Variants in ABHD12 observed in about 807,000 individuals in gnomAD.
The protein encoded by ABHD12 is abhydrolase domain containing 12, lysophospholipase.
ABHD12 carries 43 observed loss-of-function variants against 58.3 expected under a neutral mutation model. The observed-to-expected ratio is 0.74, with a 90% CI of 0.58 to 0.95. The LOEUF is 0.95. ABHD12 is among the 40% of genes least tolerant of loss of function. The probability of loss-of-function intolerance (pLI) is 0.00; values close to 1 mark genes in which losing one functional copy is unlikely to be tolerated. For synonymous variants in ABHD12, 219 were observed against 211.2 expected, an observed-to-expected ratio of 1.04 and a Z score of -0.32; for missense variants, 539 against 537.2, an observed-to-expected ratio of 1.00 and a Z score of -0.03.
intron 1 of ABHD12, among the ~76,000 whole-genome samples, chr20:25,340,044 C>T (rs182057368): frequency 1.2e-4 from 19 of 152,274 alleles, no homozygotes; most frequent in African/African-American, 4.1e-4. Context: ...ATCTCTAACC[C>T]GGTGATTCTC....
intron 1 of ABHD12, among the ~76,000 whole-genome samples, chr20:25,340,217 T>TA (rs1435173184): frequency 6.6e-6 from 1 of 152,234 alleles, no homozygotes; most frequent in African/African-American, 2.4e-5. Context: ...AAATGTCTAT[T>TA]AATTCATCTA....
chr20:25,295,511 G>A, downstream of ABHD12: 1 of 1,410,844 alleles, frequency 7.1e-7, no homozygotes, highest in Non-Finnish European at 1.0e-6. Flanking sequence ...CCAGGTGGAT[G>A]GTGCCTGGCC....
intron 6 of ABHD12, among the ~76,000 whole-genome samples, chr20:25,313,706 C>T (rs929604197): frequency 3.3e-5 from 5 of 152,066 alleles, no homozygotes; most frequent in Admixed American, 6.6e-5. Flanking sequence ...CACTTGAACC[C>T]GGGAGGCAGA....
At chr20:25,346,970 A>T (rs2089527953) in intron 1 of ABHD12, among the ~76,000 whole-genome samples, 1 of 152,156 alleles carries the variant, frequency 6.6e-6, no homozygotes, top group South Asian at 2.1e-4. Context: ...TAAAAAGTCA[A>T]CAACAATAAA....
At chr20:25,343,197 T>C (rs114937467) in intron 1 of ABHD12, among the ~76,000 whole-genome samples, 1,909 of 152,276 alleles carry the variant, frequency 0.013, 44 homozygotes, top group African/African-American at 0.041. Flanking sequence ...TTCTATTAAA[T>C]ACATTCAATC....
At chr20:25,390,382 G>A (rs937232415) in intron 1 of ABHD12, 131 bp downstream of exon 1, 12 of 932,578 alleles carry the variant, frequency 1.3e-5, no homozygotes, top group Non-Finnish European at 1.7e-5. Flanking sequence ...AGGCGCGGAC[G>A]GGGGCGGCCG....
chr20:25,367,131 A>G (rs1167155982), intron 1 of ABHD12, among the ~76,000 whole-genome samples: 1 of 152,192 alleles, frequency 6.6e-6, no homozygotes, highest in East Asian at 1.9e-4. Flanking sequence ...CTCTTCCTTT[A>G]TATCTTACAA....
In ABHD12 at chr20:25,370,617, T is replaced by G. The variant is rs191396847; in HGVS notation, c.191+19896A>C. 2.6e-3 allele frequency among the ~76,000 whole-genome samples: 397 copies of G among 152,200 alleles called. 3 individuals carry two copies. Among genetic ancestry groups the G allele is most frequent in the African/African-American group, 9.1e-3 (380 of 41,532 alleles). On this transcript the variant is annotated intron_variant, in intron 1 of 12. Coordinates refer to ENST00000339157, the MANE Select transcript of ABHD12 (RefSeq NM_001042472.3). Reference sequence around the variant, plus strand: ...GCAGGAGAGCACAGCGATTAGAGCATGAGTAGTGGAGATGGCAGGTCTGCC... The same window carrying G: ...GCAGGAGAGCACAGCGATTAGAGCAGGAGTAGTGGAGATGGCAGGTCTGCC...
chr20:25,316,679 C>G (rs1230724324), intron 5 of ABHD12, among the ~76,000 whole-genome samples: 1 of 152,200 alleles, frequency 6.6e-6, no homozygotes, highest in Non-Finnish European at 1.5e-5. Flanking sequence ...CTCAACACGC[C>G]TGTCATCCCA....
At chr20:25,321,437 G>A (rs528987841) in intron 3 of ABHD12, among the ~76,000 whole-genome samples, 89 of 152,368 alleles carry the variant, frequency 5.8e-4, no homozygotes, top group African/African-American at 1.9e-3. Flanking sequence ...CTGATGAAGC[G>A]ATGGTGGGGG....
intron 1 of ABHD12, among the ~76,000 whole-genome samples, chr20:25,360,276 T>C (rs903986991): frequency 7.7e-6 from 1 of 130,496 alleles, no homozygotes; most frequent in African/African-American, 2.9e-5. Flanking sequence ...AGTCTCACTC[T>C]GTCACCCAGC....
At chr20:25,357,130 C>A (rs1041876177) in intron 1 of ABHD12, among the ~76,000 whole-genome samples, 1 of 152,164 alleles carries the variant, frequency 6.6e-6, no homozygotes, top group African/African-American at 2.4e-5. Flanking sequence ...AAAACTGGTC[C>A]AGGACCCTGT....
intron 11 of ABHD12, 89 bp from the exon 12 acceptor site, chr20:25,302,435 T>C (rs1330819095): frequency 2.3e-5 from 35 of 1,542,822 alleles, no homozygotes; most frequent in Middle Eastern, 2.3e-4. Context: ...TCCCCTTCAA[T>C]AGAAACCAGT....
chr20:25,323,542 C>T (rs1357226560), intron 2 of ABHD12, 112 bp from the exon 3 acceptor site: 1 of 736,978 alleles, frequency 1.4e-6, no homozygotes, highest in African/African-American at 1.7e-5. Flanking sequence ...CACGTGCACA[C>T]ACACACATGC....
chr20:25,303,674 A>T (rs754740642), intron 10 of ABHD12, 46 bp from the exon 11 acceptor site: 4 of 1,610,488 alleles, frequency 2.5e-6, no homozygotes, highest in African/African-American at 1.3e-5. Flanking sequence ...GAAAGGGCAG[A>T]GTTGCCCAGA....
chr20:25,349,857 T>C (rs1425773407), intron 1 of ABHD12, among the ~76,000 whole-genome samples: 2 of 152,216 alleles, frequency 1.3e-5, no homozygotes, highest in African/African-American at 4.8e-5. Flanking sequence ...AAGTATTTAA[T>C]GCCACTAAAT....
chr20:25,296,480 C>G, downstream of ABHD12: 5 of 1,613,858 alleles, frequency 3.1e-6, no homozygotes, highest in Non-Finnish European at 4.2e-6. Context: ...GTGTGGAGCC[C>G]TCCGACCTGC....
At chr20:25,371,174 A>G (rs2089895413) in intron 1 of ABHD12, among the ~76,000 whole-genome samples, 1 of 152,132 alleles carries the variant, frequency 6.6e-6, no homozygotes, top group Admixed American at 6.5e-5. Context: ...GAGACACTGG[A>G]CTGGTGGTCA....
downstream of ABHD12, chr20:25,295,484 C>A: frequency 8.3e-7 from 1 of 1,204,134 alleles, no homozygotes; most frequent in Non-Finnish European, 1.2e-6. Context: ...GGGTGGGCCC[C>A]TTCGCTCCAG....
Sources: allele counts gnomAD v4.1 joint callset (sites outside exome capture counted in the v4.1 genomes callset), GRCh38; gene constraint gnomAD v4.1.1; transcripts MANE v1.5; gene names NCBI Gene and HGNC (gene_info 2026-07-23, HGNC 2026-07-21).